The following LIN52 variants were observed in gnomAD, a reference collection of about 807,000 sequenced individuals.
LIN52 encodes lin-52 DREAM MuvB core complex component, also known as protein lin-52 homolog.
A neutral mutation model predicts 18.5 loss-of-function variants in LIN52; 4 were observed. The ratio of observed to expected loss-of-function variants is 0.22; its 90% CI spans 0.11 to 0.49. The LOEUF is 0.49. Ranked by LOEUF, LIN52 falls within the 20% of genes least tolerant of loss-of-function variation. LIN52 has a pLI of 0.97. For missense variants in LIN52, 102 were observed against 139.5 expected, an observed-to-expected ratio of 0.73 and a Z score of 1.35; for synonymous variants, 34 against 45.5, an observed-to-expected ratio of 0.75 and a Z score of 1.02.
At chr14:74,158,923 G>A (rs1017280205) in intron 5 of LIN52, among the ~76,000 whole-genome samples, 1 of 152,092 alleles carries the variant, frequency 6.6e-6, no homozygotes, top group Non-Finnish European at 1.5e-5. Context: ...TTCTTATGTT[G>A]CAAGTTACAT....
chr14:74,085,138 C>T, intron 1 of LIN52, 145 bp downstream of exon 1: 1 of 713,430 alleles, frequency 1.4e-6, no homozygotes, highest in African/African-American at 1.8e-5. Flanking sequence ...GATCCATCGC[C>T]GTCTTCAGCT....
rs573705378 is a variant in LIN52, at chr14:74,091,773, CAAA to C, written c.94+489_94+491del. Among the ~76,000 whole-genome samples, 357 of 65,238 alleles carry C rather than the reference CAAA, an allele frequency of 5.5e-3. 1 individual carries two copies. The highest frequency in any genetic ancestry group is 0.013 in the African/African-American group (221 of 16,982). The allele number at this position is 65,238 out of a possible 152,430, so 42.8% of individuals were successfully genotyped here. On this transcript the variant is annotated intron_variant, in intron 2 of 5. Coordinates refer to ENST00000555028, the MANE Select transcript of LIN52 (RefSeq NM_001024674.3). ...TGTGTGACAGGGTGAGACTCTGTCT[CAAA>C]AAAAAAAAAAAAAAAAAAAAAGTTC...
chr14:74,185,094 C>T (rs1269028627), intron 5 of LIN52, among the ~76,000 whole-genome samples: 2 of 152,006 alleles, frequency 1.3e-5, no homozygotes, highest in African/African-American at 4.8e-5. Flanking sequence ...CCAAGGAACC[C>T]TGGTTTCTTT....
chr14:74,159,111 T>G (rs1278919489), intron 5 of LIN52, among the ~76,000 whole-genome samples: 5 of 152,170 alleles, frequency 3.3e-5, no homozygotes, highest in African/African-American at 9.7e-5. Context: ...AACTACATGT[T>G]TTAAATCTAA....
At position 74,199,005 on chromosome 14, in the gene LIN52, G is replaced by A. The variant is rs2078931585; in HGVS notation, c.*28G>A. The A allele has an allele frequency of 1.3e-6, 2 of 1,561,368 alleles. No homozygotes were observed. Among genetic ancestry groups the A allele is most frequent in the African/African-American group, 2.7e-5 (2 of 73,922 alleles). Reference sequence around the variant, plus strand: ...GCTGCTTGCGGACAGGATGTCCTGGGGTCCGAAACCAAGCTCCCTTCCCGG... The same window carrying A: ...GCTGCTTGCGGACAGGATGTCCTGGAGTCCGAAACCAAGCTCCCTTCCCGG... On this transcript the variant is annotated 3_prime_UTR_variant, in exon 6 of 6. Transcript: ENST00000555028.
chr14:74,124,810 C>CA (rs5809648), intron 5 of LIN52, among the ~76,000 whole-genome samples: 1,931 of 58,948 alleles, frequency 0.033, 80 homozygotes, highest in Middle Eastern at 0.08. Context: ...GACCCTGTCT[C>CA]AAAAAAAAAA....
chr14:74,090,358 TG>T (rs1427196416), intron 1 of LIN52, among the ~76,000 whole-genome samples: 7 of 151,526 alleles, frequency 4.6e-5, no homozygotes, highest in Non-Finnish European at 1.0e-4. Flanking sequence ...TTTTTTGAGA[TG>T]GCGTCTCATT....
At chr14:74,124,098 A>G (rs75200151) in intron 5 of LIN52, among the ~76,000 whole-genome samples, 1,576 of 152,224 alleles carry the variant, frequency 0.01, 32 homozygotes, top group African/African-American at 0.036. Context: ...GACTTTATTC[A>G]TTTCCAAATT....
chr14:74,106,547 C>A (rs1365996888), intron 5 of LIN52, among the ~76,000 whole-genome samples: 3 of 152,176 alleles, frequency 2.0e-5, no homozygotes, highest in African/African-American at 7.2e-5. Context: ...GCTGAAATTA[C>A]AGACATGAAC....
At chr14:74,159,117 T>G (rs1234578920) in intron 5 of LIN52, among the ~76,000 whole-genome samples, 1 of 152,172 alleles carries the variant, frequency 6.6e-6, no homozygotes, top group Non-Finnish European at 1.5e-5. Context: ...ATGTTTTAAA[T>G]CTAATTTAAC....
intron 5 of LIN52, among the ~76,000 whole-genome samples, chr14:74,161,218 A>G (rs761938919): frequency 6.6e-6 from 1 of 151,972 alleles, no homozygotes; most frequent in Non-Finnish European, 1.5e-5. Context: ...ACAGAGTCTC[A>G]CTCTGTTGCC....
chr14:74,168,408 C>T (rs1231588711), intron 5 of LIN52, among the ~76,000 whole-genome samples: 1 of 152,178 alleles, frequency 6.6e-6, no homozygotes, highest in African/African-American at 2.4e-5. Flanking sequence ...GTGGCTCACG[C>T]CTGTAGTCCC....
intron 5 of LIN52, among the ~76,000 whole-genome samples, chr14:74,157,999 A>C (rs2061206974): frequency 6.6e-6 from 1 of 152,136 alleles, no homozygotes; most frequent in South Asian, 2.1e-4. Flanking sequence ...GATTTTCAAC[A>C]ATTTGCCCTT....
chr14:74,092,726 C>T (rs2060781140), intron 2 of LIN52, among the ~76,000 whole-genome samples: 1 of 151,422 alleles, frequency 6.6e-6, no homozygotes, highest in African/African-American at 2.4e-5. Context: ...AGACCAGCCT[C>T]GCCAACATGG....
chr14:74,180,920 G>A (rs949252174), intron 5 of LIN52, among the ~76,000 whole-genome samples: 6 of 152,006 alleles, frequency 3.9e-5, no homozygotes, highest in African/African-American at 1.4e-4. Context: ...ACCAGCCTGA[G>A]CAACGTAGTG....
intron 5 of LIN52, among the ~76,000 whole-genome samples, chr14:74,135,268 T>C (rs1462096426): frequency 6.6e-6 from 1 of 152,310 alleles, no homozygotes; most frequent in Middle Eastern, 3.4e-3. Flanking sequence ...TTTCACCATG[T>C]TGGCCAGGAT....
At chr14:74,181,112 A>C (rs1325383873) in intron 5 of LIN52, among the ~76,000 whole-genome samples, 1 of 32,704 alleles carries the variant, frequency 3.1e-5, no homozygotes, top group Non-Finnish European at 1.1e-4. Flanking sequence ...TGTCTCAAAA[A>C]AAAAAAAAAA....
intron 5 of LIN52, among the ~76,000 whole-genome samples, chr14:74,177,931 C>G (rs571486029): frequency 2.2e-4 from 33 of 152,276 alleles, no homozygotes; most frequent in African/African-American, 7.7e-4. Flanking sequence ...GCACCCGCCA[C>G]CAGGCCTGGC....
At chr14:74,129,633 A>G (rs2061049013) in intron 5 of LIN52, among the ~76,000 whole-genome samples, 1 of 152,168 alleles carries the variant, frequency 6.6e-6, no homozygotes, top group African/African-American at 2.4e-5. Context: ...CAGGAGGCTC[A>G]CTTGAGCACA....
Sources: allele counts gnomAD v4.1 joint callset (sites outside exome capture counted in the v4.1 genomes callset), GRCh38; gene constraint gnomAD v4.1.1; transcripts MANE v1.5; gene names NCBI Gene and HGNC (gene_info 2026-07-23, HGNC 2026-07-21).